The following PHF2 variants were observed in gnomAD, a reference collection of about 807,000 sequenced individuals.
PHF2 encodes PHD finger protein 2.
Under a neutral mutation model 120.5 loss-of-function variants are expected in PHF2, and 27 were observed. The ratio of observed to expected loss-of-function variants is 0.22; its 90% CI spans 0.17 to 0.31. The LOEUF (loss-of-function observed/expected upper bound fraction) is 0.31, where lower values mean the gene tolerates loss of function less well. Ranked by LOEUF, PHF2 falls within the 10% of genes least tolerant of loss-of-function variation. The probability of loss-of-function intolerance (pLI) is 1.00; values close to 1 mark genes in which losing one functional copy is unlikely to be tolerated. For synonymous variants in PHF2, 568 were observed against 592.5 expected, an observed-to-expected ratio of 0.96 and a Z score of 0.60; for missense variants, 1,024 against 1,434.8, an observed-to-expected ratio of 0.71 and a Z score of 4.63.
At chr9:93,625,242 T>A (rs771867060) in intron 1 of PHF2, among the ~76,000 whole-genome samples, 1 of 152,236 alleles carries the variant, frequency 6.6e-6, no homozygotes, top group African/African-American at 2.4e-5. Flanking sequence ...TTAGTCCTCA[T>A]GTGTCATGCT....
intron 1 of PHF2, among the ~76,000 whole-genome samples, chr9:93,625,272 C>A (rs1308983195): frequency 6.6e-6 from 1 of 152,126 alleles, no homozygotes; most frequent in Admixed American, 6.5e-5. Flanking sequence ...TAGTATAATG[C>A]CTTCAAGATT....
intron 1 of PHF2, among the ~76,000 whole-genome samples, chr9:93,596,553 G>A (rs561311873): frequency 1.3e-5 from 2 of 152,206 alleles, no homozygotes; most frequent in Admixed American, 1.3e-4. Context: ...TGGGAGTCGG[G>A]AGGGGCAGGG....
At chr9:93,600,368 G>A (rs1342124827) in intron 1 of PHF2, among the ~76,000 whole-genome samples, 1 of 152,188 alleles carries the variant, frequency 6.6e-6, no homozygotes. Flanking sequence ...TCAGTGTCCA[G>A]AGCTGCGTCT....
intron 1 of PHF2, among the ~76,000 whole-genome samples, chr9:93,608,625 T>G (rs182215342): frequency 6.6e-6 from 1 of 152,174 alleles, no homozygotes. Flanking sequence ...TTAATAGTTA[T>G]AGACCTAGTC....
At chr9:93,646,908 T>G (rs1166427206) in intron 4 of PHF2, among the ~76,000 whole-genome samples, 2 of 152,114 alleles carry the variant, frequency 1.3e-5, no homozygotes, top group African/African-American at 4.8e-5. Context: ...CAGGGGCTGA[T>G]TCTGTGGGGT....
At chr9:93,606,863 T>G (rs1244868158) in intron 1 of PHF2, among the ~76,000 whole-genome samples, 3 of 152,224 alleles carry the variant, frequency 2.0e-5, no homozygotes, top group Non-Finnish European at 4.4e-5. Flanking sequence ...TAAAGTTGTT[T>G]TTTGTGAAAT....
chr9:93,616,783 A>G (rs1825736829), intron 1 of PHF2, among the ~76,000 whole-genome samples: 1 of 151,776 alleles, frequency 6.6e-6, no homozygotes, highest in Admixed American at 6.6e-5. Context: ...CAGCATCCCA[A>G]GTAGTTGGGA....
intron 1 of PHF2, among the ~76,000 whole-genome samples, chr9:93,583,314 G>A (rs768913272): frequency 4.6e-5 from 7 of 152,208 alleles, no homozygotes; most frequent in Non-Finnish European, 8.8e-5. Context: ...ATTCATCAGT[G>A]TATGGGCATC....
At chr9:93,644,926 G>A (rs1587702491) in intron 3 of PHF2, among the ~76,000 whole-genome samples, 1 of 152,166 alleles carries the variant, frequency 6.6e-6, no homozygotes, top group African/African-American at 2.4e-5. Flanking sequence ...GCCATGTCTA[G>A]TAGGGAGCAG....
chr9:93,673,979 C>G (rs113951079), intron 18 of PHF2, 117 bp downstream of exon 18: 3 of 1,183,162 alleles, frequency 2.5e-6, no homozygotes, highest in African/African-American at 1.5e-5. Context: ...CTCAGCTCAG[C>G]AAAACCCTCG....
intron 1 of PHF2, among the ~76,000 whole-genome samples, chr9:93,619,226 C>T (rs1434206492): frequency 1.3e-5 from 2 of 152,172 alleles, no homozygotes; most frequent in Non-Finnish European, 2.9e-5. Flanking sequence ...CCAGCCATCT[C>T]CTGGCTCCTG....
At chr9:93,601,979 C>A (rs1825447076) in intron 1 of PHF2, among the ~76,000 whole-genome samples, 1 of 152,028 alleles carries the variant, frequency 6.6e-6, no homozygotes. Context: ...GTCAATTCCA[C>A]ACCATCACAC....
chr9:93,619,676 G>T (rs1268644316), intron 1 of PHF2, among the ~76,000 whole-genome samples: 1 of 152,218 alleles, frequency 6.6e-6, no homozygotes, highest in Admixed American at 6.5e-5. Context: ...GCACCCCGTG[G>T]CCCGTGCTCT....
chr9:93,597,793 C>T (rs1439013422), intron 1 of PHF2, among the ~76,000 whole-genome samples: 1 of 152,160 alleles, frequency 6.6e-6, no homozygotes, highest in Non-Finnish European at 1.5e-5. Flanking sequence ...CTTCCAGCCT[C>T]CCTTTTGAGA....
chr9:93,643,081 T>C (rs907997708), intron 3 of PHF2, among the ~76,000 whole-genome samples: 2 of 152,294 alleles, frequency 1.3e-5, no homozygotes, highest in African/African-American at 4.8e-5. Flanking sequence ...TTTTGACTGG[T>C]GTGTCTATTG....
In PHF2 at chr9:93,636,455, C is replaced by A. The variant is rs747348263; in HGVS notation, c.229C>A (p.Pro77Thr). 5.6e-5 allele frequency: 91 copies of A among 1,610,630 alleles called. 2 individuals carry two copies. The South Asian group carries it at 9.1e-4, about 16-fold the overall frequency. Residue 77 changes from proline to threonine, a missense_variant, in exon 3 of 22, where the codon CCT (proline) becomes ACT (threonine). Transcript: ENST00000359246. ...TWHKHGPGQA[P>T]DVKPVQNGSQ... ...GCACAAACACGGCCCGGGGCAAGCG[C>A]CTGACGTCAAGCCCGTGCAGAATGG...
chr9:93,599,501 GTGGAGGT>G (rs1017090750), intron 1 of PHF2, among the ~76,000 whole-genome samples: 7 of 152,250 alleles, frequency 4.6e-5, no homozygotes, highest in Non-Finnish European at 1.0e-4. Flanking sequence ...GATGGAGTGC[GTGGAGGT>G]TGGAAACAGT....
chr9:93,628,300 A>G (rs1054675390), intron 1 of PHF2, among the ~76,000 whole-genome samples: 1 of 152,194 alleles, frequency 6.6e-6, no homozygotes, highest in African/African-American at 2.4e-5. Context: ...AAGTTTAAGA[A>G]GGATTGGTGT....
chr9:93,588,495 C>T (rs1863104458), intron 1 of PHF2, among the ~76,000 whole-genome samples: 1 of 152,152 alleles, frequency 6.6e-6, no homozygotes, highest in Non-Finnish European at 1.5e-5. Context: ...CTGGAGGGAG[C>T]CTGTACCTGA....
Sources: allele counts gnomAD v4.1 joint callset (sites outside exome capture counted in the v4.1 genomes callset), GRCh38; gene constraint gnomAD v4.1.1; transcripts MANE v1.5; gene names NCBI Gene and HGNC (gene_info 2026-07-23, HGNC 2026-07-21).